ADAMTS9: variants seen among roughly 807,000 people sequenced by gnomAD.
ADAMTS9 encodes A disintegrin and metalloproteinase with thrombospondin motifs 9.
In ADAMTS9, 107 loss-of-function variants were observed where a neutral mutation model predicts 257.1. The ratio of observed to expected loss-of-function variants is 0.42; its 90% CI spans 0.36 to 0.49. The LOEUF is 0.49. Ranked by LOEUF, ADAMTS9 falls within the 20% of genes least tolerant of loss-of-function variation. ADAMTS9 has a pLI of 0.03. For synonymous variants in ADAMTS9, 982 were observed against 880.9 expected, an observed-to-expected ratio of 1.11 and a Z score of -2.03; for missense variants, 2,353 against 2,469.1, an observed-to-expected ratio of 0.95 and a Z score of 1.00.
chr3:64,529,575 G>A (rs371763995), intron 38 of ADAMTS9, among the ~76,000 whole-genome samples: 3 of 152,300 alleles, frequency 2.0e-5, no homozygotes, highest in African/African-American at 7.2e-5. Flanking sequence ...GGCCCTCGGG[G>A]GCCAGATCGT....
chr3:64,615,570 G>C (rs995276704), intron 20 of ADAMTS9, 85 bp from the exon 21 acceptor site: 1 of 1,377,290 alleles, frequency 7.3e-7, no homozygotes, highest in Non-Finnish European at 9.8e-7. Flanking sequence ...GTCTCTTCCA[G>C]CTCTTAAGAA....
Position 64,516,307 on chromosome 3 carries a change from T to C in ADAMTS9, c.*820A>G, listed in dbSNP as rs926404375. 1.3e-5 allele frequency: 2 copies of C among 152,536 alleles called. No homozygotes were observed. The highest frequency in any genetic ancestry group is 4.8e-5 in the African/African-American group (2 of 41,430). The allele number at this position is 152,536 out of a possible 1,614,324, so 9.4% of individuals were successfully genotyped here. A position where few individuals can be genotyped will look rare whatever the true frequency, so the allele number is the denominator to read the frequency against. On this transcript the variant is annotated 3_prime_UTR_variant, in exon 40 of 40. Transcript: ENST00000498707. ...GCTGCTTGGGGGATCCTCCATTTGA[T>C]TGTGGAGAGACCAAGGCACCGTGGG...
intron 12 of ADAMTS9, 140 bp downstream of exon 12, chr3:64,641,706 CGT>C: frequency 2.0e-6 from 2 of 1,005,040 alleles, no homozygotes; most frequent in Non-Finnish European, 2.9e-6. Flanking sequence ...CTTTGGGTAC[CGT>C]GGGTCTAAGC....
intron 36 of ADAMTS9, 78 bp from the exon 37 acceptor site, chr3:64,539,372 A>G (rs2083091890): frequency 6.9e-6 from 8 of 1,164,508 alleles, no homozygotes; most frequent in South Asian, 6.3e-5. Context: ...GACATTAACA[A>G]GGAGACAGAA....
intron 3 of ADAMTS9, among the ~76,000 whole-genome samples, chr3:64,676,654 C>G (rs1472353662): frequency 6.8e-6 from 1 of 146,254 alleles, no homozygotes; most frequent in Non-Finnish European, 1.5e-5. Flanking sequence ...ATATGCCTGC[C>G]CCATAATGTA....
At chr3:64,662,154 T>C (rs1701239352) in intron 3 of ADAMTS9, among the ~76,000 whole-genome samples, 2 of 152,100 alleles carry the variant, frequency 1.3e-5, no homozygotes, top group Admixed American at 1.3e-4. Flanking sequence ...TTTTCTGCTT[T>C]CTCCTTTGAA....
intron 4 of ADAMTS9, among the ~76,000 whole-genome samples, chr3:64,657,545 T>C (rs1433146676): frequency 2.6e-5 from 4 of 151,840 alleles, no homozygotes; most frequent in African/African-American, 7.3e-5. Flanking sequence ...CTTGCTATAA[T>C]GCCCAGGCTG....
At chr3:64,591,286 A>C (rs936437146) in intron 28 of ADAMTS9, among the ~76,000 whole-genome samples, 19 of 152,234 alleles carry the variant, frequency 1.2e-4, no homozygotes, top group Non-Finnish European at 2.4e-4. Flanking sequence ...CTAAAAATAC[A>C]AAAATTAGCC....
Position 64,650,712 on chromosome 3 carries a change from C to G in ADAMTS9, c.1463+305G>C. 1.5e-5 allele frequency: 4 copies of G among 273,604 alleles called. No homozygotes were observed. In the South Asian group the frequency reaches 2.4e-4, roughly 16 times the overall value. The allele number at this position is 273,604 out of a possible 1,614,324, so 16.9% of individuals were successfully genotyped here. A position where few individuals can be genotyped will look rare whatever the true frequency, so the allele number is the denominator to read the frequency against. On this transcript the variant is annotated intron_variant, in intron 9 of 39. Transcript: ENST00000498707. ...GTGGCCTTCATTAAGAAATCACATTCATAGTCCCTCTCCCAATGTCTGAAC... is the reference window on the plus strand; with the variant it reads ...GTGGCCTTCATTAAGAAATCACATTGATAGTCCCTCTCCCAATGTCTGAAC...
chr3:64,626,474 G>A (rs148342243), intron 16 of ADAMTS9, among the ~76,000 whole-genome samples: 97 of 152,258 alleles, frequency 6.4e-4, no homozygotes, highest in African/African-American at 2.3e-3. Flanking sequence ...GTCTGCATGA[G>A]CCCTTGAGCA....
In ADAMTS9 at chr3:64,541,484, C is replaced by G. The variant is rs776610163; in HGVS notation, c.5292+42G>C. 1.9e-6 allele frequency: 3 copies of G among 1,608,230 alleles called. No homozygotes were observed. In the Admixed American group the frequency reaches 5.0e-5, roughly 27 times the overall value. On this transcript the variant is annotated intron_variant, in intron 34 of 39. Coordinates refer to ENST00000498707, the MANE Select transcript of ADAMTS9 (RefSeq NM_182920.2). ...GTAATGAGAGCGGTGATCACTCACT[C>G]TAAAAACATTCTTGAAATAATGACT...
chr3:64,531,582 C>T (rs910142482), intron 38 of ADAMTS9, among the ~76,000 whole-genome samples: 3 of 152,104 alleles, frequency 2.0e-5, no homozygotes, highest in Non-Finnish European at 4.4e-5. Context: ...ATCCTCCCAC[C>T]TCAACCTCCA....
At chr3:64,587,299 C>T (rs1195101927) in intron 28 of ADAMTS9, 1 of 152,104 alleles carries the variant, frequency 6.6e-6, no homozygotes, top group Non-Finnish European at 1.5e-5. Flanking sequence ...ATGGGGGAAC[C>T]CCTTACATGT....
At chr3:64,580,494 C>T (rs757542108) in intron 28 of ADAMTS9, among the ~76,000 whole-genome samples, 2 of 152,136 alleles carry the variant, frequency 1.3e-5, no homozygotes, top group Admixed American at 6.5e-5. Flanking sequence ...AGGATCAGGC[C>T]GTGTCCAGAA....
chr3:64,678,172 T>C (rs1701669400), intron 3 of ADAMTS9, among the ~76,000 whole-genome samples: 1 of 152,166 alleles, frequency 6.6e-6, no homozygotes, highest in Admixed American at 6.5e-5. Context: ...TGGTGTTGAA[T>C]ATATAGGATA....
chr3:64,658,104 G>A lies in ADAMTS9; in HGVS notation c.969+398C>T, dbSNP rs528016000. Among the ~76,000 whole-genome samples the A allele has an allele frequency of 5.9e-5, 9 of 152,162 alleles. No homozygotes were observed. The East Asian group carries it at 7.7e-4, about 13-fold the overall frequency. ...AGTGAGGCAAAAAGCATTGGTTTTC[G>A]GAACTGGACAAGCTAAAGGCCACAG... On this transcript the variant is annotated intron_variant, in intron 4 of 39. Coordinates refer to ENST00000498707, the MANE Select transcript of ADAMTS9 (RefSeq NM_182920.2).
intron 3 of ADAMTS9, among the ~76,000 whole-genome samples, chr3:64,677,621 C>T (rs752437191): frequency 6.6e-6 from 1 of 152,092 alleles, no homozygotes; most frequent in African/African-American, 2.4e-5. Context: ...TTTTCATGAA[C>T]CTTAAAAAAC....
chr3:64,574,559 C>CAAAAAAAA (rs34194727), intron 28 of ADAMTS9, among the ~76,000 whole-genome samples: 13 of 80,736 alleles, frequency 1.6e-4, no homozygotes, highest in African/African-American at 4.9e-4. Flanking sequence ...CCCATCTCTA[C>CAAAAAAAA]AAAAAAAAAA....
intron 3 of ADAMTS9, among the ~76,000 whole-genome samples, chr3:64,667,614 T>G (rs957865601): frequency 1.3e-5 from 2 of 152,150 alleles, no homozygotes; most frequent in African/African-American, 4.8e-5. Context: ...GGAGTTAAAT[T>G]TGCTGACTTG....
Sources: allele counts gnomAD v4.1 joint callset (sites outside exome capture counted in the v4.1 genomes callset), GRCh38; gene constraint gnomAD v4.1.1; transcripts MANE v1.5; gene names NCBI Gene and HGNC (gene_info 2026-07-23, HGNC 2026-07-21).